The following SAMMSON variants were observed in gnomAD, a reference collection of about 807,000 sequenced individuals.
SAMMSON encodes the protein survival associated mitochondrial melanoma specific oncogenic non-coding RNA, also known as long intergenic non-protein coding RNA 1212.
At chr3:70,123,157 C>T (rs571593716) in intron 4 of SAMMSON, among the ~76,000 whole-genome samples, 8 of 152,186 alleles carry the variant, frequency 5.3e-5, no homozygotes, top group Non-Finnish European at 1.0e-4. Flanking sequence ...GGGAAGGGGC[C>T]CAAGACTCTG....
intron 6 of SAMMSON, among the ~76,000 whole-genome samples, chr3:70,260,057 T>A (rs769695666): frequency 4.6e-5 from 7 of 152,172 alleles, no homozygotes; most frequent in Non-Finnish European, 8.8e-5. Flanking sequence ...TAGGTTATAA[T>A]TCAAGATGAG....
intron 4 of SAMMSON, among the ~76,000 whole-genome samples, chr3:70,170,632 T>C (rs944066276): frequency 2.0e-5 from 3 of 149,464 alleles, no homozygotes; most frequent in Non-Finnish European, 3.0e-5. Flanking sequence ...TAGAAATTCG[T>C]ATTTTATTCA....
In SAMMSON at chr3:70,286,213, T is replaced by C. The variant is rs536179976; in HGVS notation, n.675-4966T>C. On this transcript the variant is annotated intron_variant and non_coding_transcript_variant, in intron 6 of 9. Coordinates refer to ENST00000642114, the Ensembl canonical transcript of SAMMSON. ...TTAGGTCTAAAGTTTAAGTCTTACA[T>C]CCATCTTGAATTAATTTTTGTATAA... 1.4e-3 allele frequency among the ~76,000 whole-genome samples: 210 copies of C among 152,350 alleles called. 1 individual carries two copies. Among genetic ancestry groups the C allele is most frequent in the South Asian group, 2.5e-3 (12 of 4,826 alleles).
At chr3:70,008,162 G>A (rs1166808097) in intron 1 of SAMMSON, among the ~76,000 whole-genome samples, 1 of 152,092 alleles carries the variant, frequency 6.6e-6, no homozygotes, top group African/African-American at 2.4e-5. Context: ...CTTTAAAGTA[G>A]TTTTTTCCAA....
intron 7 of SAMMSON, among the ~76,000 whole-genome samples, chr3:70,338,844 T>G (rs1336159446): frequency 6.6e-6 from 1 of 152,160 alleles, no homozygotes; most frequent in East Asian, 1.9e-4. Flanking sequence ...GTTTATAGAT[T>G]CAATGACATC....
At chr3:70,139,416 T>C (rs1212061864) in intron 4 of SAMMSON, among the ~76,000 whole-genome samples, 2 of 152,136 alleles carry the variant, frequency 1.3e-5, no homozygotes, top group Non-Finnish European at 2.9e-5. Flanking sequence ...GGACCCACTG[T>C]GGTTGCAGCC....
chr3:70,272,491 T>C (rs1227465549), intron 6 of SAMMSON, among the ~76,000 whole-genome samples: 1 of 152,254 alleles, frequency 6.6e-6, no homozygotes, highest in African/African-American at 2.4e-5. Context: ...CAAAATTTGT[T>C]TATCTGTTCT....
intron 3 of SAMMSON, among the ~76,000 whole-genome samples, chr3:70,052,154 T>G (rs2067148856): frequency 6.6e-6 from 1 of 150,694 alleles, no homozygotes; most frequent in South Asian, 2.1e-4. Context: ...ATAACCTATT[T>G]ATTTTCTTAA....
intron 6 of SAMMSON, among the ~76,000 whole-genome samples, chr3:70,256,035 C>T (rs1447412504): frequency 6.6e-6 from 1 of 152,090 alleles, no homozygotes. Flanking sequence ...ATAGTACCAC[C>T]CCAAATTATT....
At chr3:70,298,381 C>G (rs1440418130) in intron 7 of SAMMSON, among the ~76,000 whole-genome samples, 2 of 152,008 alleles carry the variant, frequency 1.3e-5, no homozygotes, top group East Asian at 3.9e-4. Context: ...GTTTAGTTAG[C>G]CAACATCAAC....
chr3:70,100,530 G>A (rs77699794), intron 4 of SAMMSON, among the ~76,000 whole-genome samples: 9 of 222 alleles, frequency 0.041, no homozygotes, highest in Non-Finnish European at 0.13. Flanking sequence ...GGGGGGGGGG[G>A]GGGAAGCACC....
At chr3:70,020,132 G>A (rs975221941) in intron 3 of SAMMSON, among the ~76,000 whole-genome samples, 10 of 152,236 alleles carry the variant, frequency 6.6e-5, no homozygotes, top group Middle Eastern at 3.4e-3. Flanking sequence ...GGACTGGGCC[G>A]AGCACCAGTT....
chr3:70,300,080 C>T (rs757593970), intron 7 of SAMMSON, among the ~76,000 whole-genome samples: 1 of 152,050 alleles, frequency 6.6e-6, no homozygotes, highest in Non-Finnish European at 1.5e-5. Context: ...AGCCAAATTC[C>T]CCATTTTTCA....
chr3:70,100,397 C>T (rs1484486728), intron 4 of SAMMSON, among the ~76,000 whole-genome samples: 1 of 152,032 alleles, frequency 6.6e-6, no homozygotes, highest in Non-Finnish European at 1.5e-5. Flanking sequence ...ATCTGTTTAC[C>T]TTGGCCTCCC....
At chr3:70,018,066 C>G (rs1292739099) in intron 3 of SAMMSON, among the ~76,000 whole-genome samples, 1 of 152,044 alleles carries the variant, frequency 6.6e-6, no homozygotes, top group Non-Finnish European at 1.5e-5. Flanking sequence ...GTGTCTCTAC[C>G]AGGCTTTGGT....
intron 2 of SAMMSON, among the ~76,000 whole-genome samples, chr3:70,414,430 A>G (rs17007238): frequency 0.012 from 1,796 of 152,264 alleles, 31 homozygotes; most frequent in African/African-American, 0.04. Context: ...TAACCAACCT[A>G]TTACAGTATC....
chr3:70,401,087 T>C (rs1240759928), intron 2 of SAMMSON, among the ~76,000 whole-genome samples: 1 of 152,228 alleles, frequency 6.6e-6, no homozygotes, highest in African/African-American at 2.4e-5. Flanking sequence ...TCTATTAGTC[T>C]TTATTCCTTT....
chr3:70,206,456 C>T (rs1240359879), intron 4 of SAMMSON: 3 of 394,812 alleles, frequency 7.6e-6, no homozygotes, highest in Non-Finnish European at 1.3e-5. Context: ...TCGAAGTCTT[C>T]GTGTTTAATA....
intron 3 of SAMMSON, among the ~76,000 whole-genome samples, chr3:70,065,037 A>G (rs1030980876): frequency 3.9e-5 from 6 of 152,144 alleles, no homozygotes; most frequent in African/African-American, 1.2e-4. Flanking sequence ...TGCTGTTTAC[A>G]TTGGTTGGAA....
Sources: allele counts gnomAD v4.1 joint callset (sites outside exome capture counted in the v4.1 genomes callset), GRCh38; gene constraint gnomAD v4.1.1; transcripts MANE v1.5; gene names NCBI Gene and HGNC (gene_info 2026-07-23, HGNC 2026-07-21).